Variants in ULK4 observed in about 807,000 individuals in gnomAD.
ULK4 encodes the protein inactive serine/threonine-protein kinase ULK4.
Under a neutral mutation model 160.6 loss-of-function variants are expected in ULK4, and 133 were observed. The ratio of observed to expected loss-of-function variants is 0.83; its 90% CI spans 0.72 to 0.96. ULK4 has a LOEUF of 0.96. Ranked by LOEUF, ULK4 falls within the 40% of genes least tolerant of loss-of-function variation. ULK4 has a pLI of 0.00. For missense variants in ULK4, 1,580 were observed against 1,499.5 expected, an observed-to-expected ratio of 1.05 and a Z score of -0.89; for synonymous variants, 534 against 539.8, an observed-to-expected ratio of 0.99 and a Z score of 0.15.
Position 41,444,433 on chromosome 3 carries a change from G to T in ULK4, c.3492+11064C>A, listed in dbSNP as rs191507834. Among the ~76,000 whole-genome samples the T allele has an allele frequency of 8.6e-5, 13 of 151,026 alleles. No homozygotes were observed. The East Asian group carries it at 2.5e-3, about 29-fold the overall frequency. On this transcript the variant is annotated intron_variant, in intron 34 of 36. Transcript: ENST00000301831. ...CCTTACAGATACTATGTCTCATAATGAATTTGTTATAAGTTGTGGAACTCA... is the reference window on the plus strand; with the variant it reads ...CCTTACAGATACTATGTCTCATAATTAATTTGTTATAAGTTGTGGAACTCA...
chr3:41,423,957 G>A (rs1047285976), intron 34 of ULK4, among the ~76,000 whole-genome samples: 2 of 152,166 alleles, frequency 1.3e-5, no homozygotes, highest in Non-Finnish European at 2.9e-5. Flanking sequence ...TGGCCACTCG[G>A]CTGGAGACAA....
chr3:41,429,996 A>G lies in ULK4; in HGVS notation c.3492+25501T>C, dbSNP rs1270832663. ...TTTACTGAATCCAGGATATTGAAAA[A>G]TACATGAAATCCTCTTCATCCTAAT... is the stretch of plus-strand genomic sequence containing the variant. On this transcript the variant is annotated intron_variant, in intron 34 of 36. Transcript: ENST00000301831. Among the ~76,000 whole-genome samples the G allele has an allele frequency of 2.6e-5, 4 of 152,334 alleles. No individual in the cohort carries two copies. In the East Asian group the frequency reaches 7.7e-4, roughly 29 times the overall value.
intron 19 of ULK4, among the ~76,000 whole-genome samples, chr3:41,813,079 C>T (rs2040864516): frequency 6.6e-6 from 1 of 152,104 alleles, no homozygotes; most frequent in Non-Finnish European, 1.5e-5. Context: ...CTGGCATATG[C>T]TGTATTTAAA....
At chr3:41,843,884 A>G (rs1289862419) in intron 17 of ULK4, among the ~76,000 whole-genome samples, 1 of 152,054 alleles carries the variant, frequency 6.6e-6, no homozygotes, top group Non-Finnish European at 1.5e-5. Context: ...TCCCTGAGCT[A>G]GACACAAAGG....
At chr3:41,266,047 C>T (rs1292644941) in intron 35 of ULK4, among the ~76,000 whole-genome samples, 1 of 152,084 alleles carries the variant, frequency 6.6e-6, no homozygotes, top group African/African-American at 2.4e-5. Context: ...AGTGTCAAAT[C>T]GGCCTTGAGA....
At chr3:41,640,073 G>C (rs745804383) in intron 30 of ULK4, among the ~76,000 whole-genome samples, 5 of 152,146 alleles carry the variant, frequency 3.3e-5, no homozygotes, top group Non-Finnish European at 5.9e-5. Flanking sequence ...GTGATGGTTT[G>C]TGTTTTACCT....
intron 22 of ULK4, among the ~76,000 whole-genome samples, chr3:41,725,395 C>G (rs978536134): frequency 6.6e-6 from 1 of 152,134 alleles, no homozygotes; most frequent in Non-Finnish European, 1.5e-5. Context: ...CTCTATATCT[C>G]TCCCACTATT....
At chr3:41,512,059 G>C (rs960382363) in intron 32 of ULK4, among the ~76,000 whole-genome samples, 2 of 152,076 alleles carry the variant, frequency 1.3e-5, no homozygotes, top group Non-Finnish European at 2.9e-5. Context: ...TGCAGAAAAA[G>C]CATATGACAA....
intron 31 of ULK4, among the ~76,000 whole-genome samples, chr3:41,570,194 C>A (rs1033279734): frequency 3.3e-5 from 5 of 152,306 alleles, no homozygotes; most frequent in African/African-American, 1.2e-4. Flanking sequence ...ATGGGTTTTG[C>A]CATGTATGCC....
At chr3:41,823,249 T>C (rs1307734337) in intron 18 of ULK4, among the ~76,000 whole-genome samples, 1 of 151,954 alleles carries the variant, frequency 6.6e-6, no homozygotes, top group Non-Finnish European at 1.5e-5. Flanking sequence ...CAAATGTCAA[T>C]ATAGTGAGGC....
At chr3:41,916,074 A>AC in intron 7 of ULK4, 22 bp from the exon 8 acceptor site, 1 of 1,491,492 alleles carries the variant, frequency 6.7e-7, no homozygotes, top group Non-Finnish European at 9.1e-7. Context: ...TTAATTTCCA[A>AC]GAAAAAATGA....
At chr3:41,888,304 C>A (rs1163149324) in intron 16 of ULK4, among the ~76,000 whole-genome samples, 1 of 152,100 alleles carries the variant, frequency 6.6e-6, no homozygotes, top group Non-Finnish European at 1.5e-5. Flanking sequence ...CTCTAAAATA[C>A]AAGTTCTTTT....
At chr3:41,438,890 A>G (rs1270177939) in intron 34 of ULK4, among the ~76,000 whole-genome samples, 1 of 152,102 alleles carries the variant, frequency 6.6e-6, no homozygotes, top group East Asian at 1.9e-4. Flanking sequence ...TCCAGAGGAT[A>G]GAAAAGAGAT....
chr3:41,370,796 C>T (rs143952319), intron 35 of ULK4, among the ~76,000 whole-genome samples: 74 of 152,298 alleles, frequency 4.9e-4, no homozygotes, highest in African/African-American at 1.7e-3. Flanking sequence ...CATGAAAGAA[C>T]TGTTCACTAC....
At chr3:41,591,579 G>C (rs925124983) in intron 31 of ULK4, among the ~76,000 whole-genome samples, 1 of 152,068 alleles carries the variant, frequency 6.6e-6, no homozygotes, top group African/African-American at 2.4e-5. Flanking sequence ...AAGCTGTCCT[G>C]GGCCGCAGGT....
chr3:41,622,633 A>T (rs2033311483), intron 30 of ULK4, among the ~76,000 whole-genome samples: 1 of 152,078 alleles, frequency 6.6e-6, no homozygotes. Context: ...GAACATTAGG[A>T]CAAATACCTA....
intron 32 of ULK4, among the ~76,000 whole-genome samples, chr3:41,500,423 T>C (rs1279448848): frequency 2.3e-5 from 1 of 42,768 alleles, no homozygotes; most frequent in African/African-American, 4.2e-5. Flanking sequence ...AGGATAGGAG[T>C]TCTTATTAAG....
At chr3:41,935,209 A>ATTTATTTTTTTTTTTTTTTTT (rs1559660879) in intron 4 of ULK4, among the ~76,000 whole-genome samples, 2 of 135,556 alleles carry the variant, frequency 1.5e-5, no homozygotes, top group African/African-American at 3.3e-5. Flanking sequence ...TTATTTATTT[A>ATTTATTTTTTTTTTTTTTTTT]TTTTTTTTTT....
intron 27 of ULK4, among the ~76,000 whole-genome samples, chr3:41,695,726 T>C (rs2036471053): frequency 6.6e-6 from 1 of 152,218 alleles, no homozygotes; most frequent in African/African-American, 2.4e-5. Context: ...GGCCACGAGC[T>C]GTTCCAGTAT....
Sources: allele counts gnomAD v4.1 joint callset (sites outside exome capture counted in the v4.1 genomes callset), GRCh38; gene constraint gnomAD v4.1.1; transcripts MANE v1.5; gene names NCBI Gene and HGNC (gene_info 2026-07-23, HGNC 2026-07-21).